GRID2IP: variants seen among roughly 807,000 people sequenced by gnomAD.
GRID2IP encodes delphilin.
Under a neutral mutation model 114.3 loss-of-function variants are expected in GRID2IP, and 78 were observed. The ratio of observed to expected loss-of-function variants is 0.68; its 90% CI spans 0.57 to 0.82. The LOEUF (loss-of-function observed/expected upper bound fraction) is 0.82. Among genes scored for constraint, GRID2IP ranks in the 40% least tolerant of loss-of-function variants. The pLI is 0.00. For missense variants in GRID2IP, 1,727 were observed against 1,678.5 expected (o/e 1.03, Z -0.51); for synonymous variants, 809 against 724.0 (o/e 1.12, Z -1.89).
chr7:6,498,469 T>C (rs1786321583), intron 20 of GRID2IP, among the ~76,000 whole-genome samples: 1 of 151,756 alleles, frequency 6.6e-6, no homozygotes, highest in Non-Finnish European at 1.5e-5. Context: ...CCCTGTTCTC[T>C]CTGCAGGGCC....
rs1452427197 is a variant in GRID2IP, at chr7:6,508,828, A to G, written c.2127+130T>C. 6 of 1,370,400 alleles carry G rather than the reference A, an allele frequency of 4.4e-6. No homozygotes were observed. In the East Asian group the frequency reaches 1.5e-4, roughly 35 times the overall value. 84.9% of individuals were successfully genotyped at this position (1,370,400 alleles called of 1,614,324 possible). A position where few individuals can be genotyped will look rare whatever the true frequency, so the allele number is the denominator to read the frequency against. Reference sequence around the variant, plus strand: ...GGCAAGGGGTGGGATAGCTTGAGCTAGGGAGTGGGATAGCCTGGGGAAGAT... The same window carrying G: ...GGCAAGGGGTGGGATAGCTTGAGCTGGGGAGTGGGATAGCCTGGGGAAGAT... On this transcript the variant is annotated intron_variant, in intron 12 of 21. Transcript: ENST00000457091. This position sits in a 1 kb window ranked among gnomAD's most constrained non-coding sequence, Gnocchi z 5.6.
intron 14 of GRID2IP, among the ~76,000 whole-genome samples, chr7:6,505,246 G>A (rs529180406): frequency 6.6e-6 from 1 of 152,178 alleles, no homozygotes; most frequent in East Asian, 1.9e-4. Flanking sequence ...TGACCTCTCT[G>A]TGCTTCCTCA....
Position 6,508,163 on chromosome 7 carries a change from G to A in GRID2IP, c.2366C>T (p.Thr789Ile). ...TGGAGGGACTGGGTGGCTGAGTTGG[G>A]TGAGGGGCTTGGCCAGCGCCTGAGC... ...GPAQALAKPL[T>I]QLSHPVPPPP... Residue 789 changes from threonine to isoleucine, a missense_variant, in exon 13 of 22, where the codon ACC becomes ATC. Coordinates refer to ENST00000457091, the MANE Select transcript of GRID2IP (RefSeq NM_001145118.2). The surrounding 1 kb of genome is among the most constrained non-coding windows in gnomAD (Gnocchi z 5.6). 1 of 1,510,724 alleles carries A rather than the reference G, an allele frequency of 6.6e-7. No homozygotes were observed. Among genetic ancestry groups the A allele is most frequent in the Non-Finnish European group, 8.9e-7 (1 of 1,129,588 alleles). The allele number at this position is 1,510,724 out of a possible 1,614,324, so 93.6% of individuals were successfully genotyped here.
rs1562513682 is a variant in GRID2IP at position 6,508,586 on chromosome 7, A to G, written c.2128-185T>C. Reference sequence around the variant, plus strand: ...TCTCACAGGTTAACCTCAGGCTGTGAGGGGGATAGCCTGGGCTAAGGATAG... The same window carrying G: ...TCTCACAGGTTAACCTCAGGCTGTGGGGGGGATAGCCTGGGCTAAGGATAG... On this transcript the variant is annotated intron_variant, in intron 12 of 21. Transcript: ENST00000457091. This position sits in a 1 kb window ranked among gnomAD's most constrained non-coding sequence, Gnocchi z 5.6. Among the ~76,000 whole-genome samples the G allele has an allele frequency of 1.3e-5, 2 of 151,534 alleles. No homozygotes were observed. The highest frequency in any genetic ancestry group is 4.8e-5 in the African/African-American group (2 of 41,254).
chr7:6,527,817 G>A (rs1779544538), intron 2 of GRID2IP, among the ~76,000 whole-genome samples: 1 of 148,716 alleles, frequency 6.7e-6, no homozygotes, highest in Non-Finnish European at 1.5e-5. Flanking sequence ...GGAGTACAAT[G>A]GTGAGATCTC....
intron 2 of GRID2IP, among the ~76,000 whole-genome samples, chr7:6,530,495 C>T (rs1387262338): frequency 6.6e-6 from 1 of 151,280 alleles, no homozygotes; most frequent in Non-Finnish European, 1.5e-5. Flanking sequence ...GAACTCCTGA[C>T]CTCAGAAGAT....
In GRID2IP at chr7:6,509,498, T is replaced by C. The variant is rs1162179096; in HGVS notation, c.1772-185A>G. On this transcript the variant is annotated intron_variant, in intron 11 of 21. Coordinates refer to ENST00000457091, the MANE Select transcript of GRID2IP (RefSeq NM_001145118.2). The surrounding 1 kb of genome is among the most constrained non-coding windows in gnomAD (Gnocchi z 4.9). ...TCCAAGCATGACTAAAGGCCAGATC[T>C]GGTGAGCAGGAGCACTGCTCGGCCT... Among the ~76,000 whole-genome samples, 1 of 152,168 alleles carries C rather than the reference T, an allele frequency of 6.6e-6. No homozygotes were observed. The highest frequency in any genetic ancestry group is 2.4e-5 in the African/African-American group (1 of 41,450).
intron 1 of GRID2IP, among the ~76,000 whole-genome samples, chr7:6,545,091 GAAAA>G (rs938167397): frequency 6.6e-6 from 1 of 151,020 alleles, no homozygotes; most frequent in African/African-American, 2.4e-5. Context: ...CATCTCAAAA[GAAAA>G]AAAAGAAAGA....
At chr7:6,512,480 A>G (rs143569388) in intron 8 of GRID2IP, among the ~76,000 whole-genome samples, 3,894 of 151,382 alleles carry the variant, frequency 0.026, 143 homozygotes, top group African/African-American at 0.079. Context: ...AGCTGGGACT[A>G]CAGGTGCATA....
Position 6,512,231 on chromosome 7 carries a change from C to CTTTTTTTTTTTTTTTTTTTTTTTTTTTTT in GRID2IP, c.1424-1193_1424-1192insAAAAAAAAAAAAAAAAAAAAAAAAAAAAA, listed in dbSNP as rs1002835555. On this transcript the variant is annotated intron_variant, in intron 8 of 21. Coordinates refer to ENST00000457091, the MANE Select transcript of GRID2IP (RefSeq NM_001145118.2). ...CACACCTGCCTTTTTTTCTTTTCTT[C>CTTTTTTTTTTTTTTTTTTTTTTTTTTTTT]TTTTTTTTTTTTTTTTTTGTGACAG... Among the ~76,000 whole-genome samples the CTTTTTTTTTTTTTTTTTTTTTTTTTTTTT allele has an allele frequency of 1.6e-3, 148 of 90,176 alleles. 8 individuals carry two copies. Among genetic ancestry groups the CTTTTTTTTTTTTTTTTTTTTTTTTTTTTT allele is most frequent in the Non-Finnish European group, 2.7e-3 (126 of 47,352 alleles). 59.2% of individuals were successfully genotyped at this position (90,176 alleles called of 152,430 possible).
chr7:6,549,709 C>T (rs913787781), intron 1 of GRID2IP, among the ~76,000 whole-genome samples: 2 of 152,134 alleles, frequency 1.3e-5, no homozygotes, highest in Admixed American at 6.6e-5. Flanking sequence ...CAACCTCCGT[C>T]TCCCAAGCTC....
chr7:6,532,183 G>T lies in GRID2IP; in HGVS notation c.585-5414C>A, dbSNP rs764268540. 5.9e-5 allele frequency among the ~76,000 whole-genome samples: 9 copies of T among 152,130 alleles called. No individual in the cohort carries two copies. Among genetic ancestry groups the T allele is most frequent in the Admixed American group, 1.3e-4 (2 of 15,266 alleles). On this transcript the variant is annotated intron_variant, in intron 2 of 21. Coordinates refer to ENST00000457091, the MANE Select transcript of GRID2IP (RefSeq NM_001145118.2). This position sits in a 1 kb window ranked among gnomAD's most constrained non-coding sequence, Gnocchi z 4.4. ...TGTCATGTCTCAAGGAGTCCCGACT[G>T]CCTCTGGAGAGGCCCAGAATCAGGC...
intron 2 of GRID2IP, among the ~76,000 whole-genome samples, chr7:6,530,051 A>C (rs1419402828): frequency 2.1e-4 from 32 of 149,496 alleles, no homozygotes; most frequent in Non-Finnish European, 1.0e-4. Context: ...CTCCGCCTCC[A>C]GGATTCATGC....
In GRID2IP at chr7:6,504,826, C is replaced by G. The variant is rs1295225871; in HGVS notation, c.2677G>C (p.Glu893Gln). The G allele has an allele frequency of 1.3e-6, 2 of 1,551,292 alleles. No individual in the cohort carries two copies. Among genetic ancestry groups the G allele is most frequent in the East Asian group, 2.4e-5 (1 of 40,936 alleles). ...PEPFRKKEVVEILSHKKAYNT... is the reference protein window; with the variant it reads ...PEPFRKKEVVQILSHKKAYNT... Reference sequence around the variant, plus strand: ...TAGGCCTTCTTATGGGACAGGATCTCCACCACCTCCTTCTTCCGGAAGGGC... The same window carrying G: ...TAGGCCTTCTTATGGGACAGGATCTGCACCACCTCCTTCTTCCGGAAGGGC... Residue 893 changes from glutamate (E) to glutamine (Q), a missense_variant, in exon 15 of 22, where the codon GAG becomes CAG. Glu to Gln is a conservative substitution (Grantham distance 29, BLOSUM62 2). Coordinates refer to ENST00000457091, the MANE Select transcript of GRID2IP (RefSeq NM_001145118.2).
rs1779516948 is a variant in GRID2IP at position 6,526,626 on chromosome 7, A to T, written c.728T>A (p.Leu243Gln). ...CGGGGCGCTGGCGCGCGTGGACACC[A>T]GGAGGCGCTCCGGCCGCTCCTCGCT... ...SRSEERPERLLVSTRASAPPR... is the reference protein window; with the variant it reads ...SRSEERPERLQVSTRASAPPR... The change falls in exon 3 of 22, where the codon CTG (leucine) becomes CAG (glutamine). Residue 243 changes from leucine (L) to glutamine (Q), a missense_variant. Transcript: ENST00000457091. This position sits in a 1 kb window ranked among gnomAD's most constrained non-coding sequence, Gnocchi z 7.6. 7.6e-7 allele frequency: 1 copy of T among 1,322,014 alleles called. No homozygotes were observed. The highest frequency in any genetic ancestry group is 1.6e-5 in the African/African-American group (1 of 63,974). 81.9% of individuals were successfully genotyped at this position (1,322,014 alleles called of 1,614,324 possible).
Position 6,497,788 on chromosome 7 carries a change from G to A in GRID2IP, c.3622C>T (p.Pro1208Ser), listed in dbSNP as rs1392287448. The change falls in exon 22 of 22, where the codon CCC (proline) becomes TCC (serine). Residue 1208 changes from proline (P) to serine (S), a missense_variant. Coordinates refer to ENST00000457091, the MANE Select transcript of GRID2IP (RefSeq NM_001145118.2). ...TGTGGCCACTGTCACCAGGCCAGGG[G>A]TGAAACCATCCCGGAGCTGCGCAGG... ...EGLRSSGMVS[P>S]LAW is the part of the protein sequence containing the mutation. The A allele has an allele frequency of 1.9e-6, 3 of 1,549,968 alleles. No homozygotes were observed. The highest frequency in any genetic ancestry group is 4.9e-5 in the East Asian group (2 of 40,910).
rs1779978268 is a variant in GRID2IP, at chr7:6,551,332, C to G, written c.105G>C (p.Gly35=). Residue 35 remains glycine, a synonymous_variant, in exon 1 of 22, where the codon GGG becomes GGC. Transcript: ENST00000457091. The stretch of plus-strand genomic sequence containing the variant: ...GCAGTCCTCCGGCATGCGCGCTGCT[C>G]CCCTTGGCCACCTCCAGGACGAAGC... ...GPCFVLEVAK[G]SSAHAGGLRP... The G allele has an allele frequency of 3.2e-6, 5 of 1,547,892 alleles. No individual in the cohort carries two copies. In the South Asian group the frequency reaches 4.8e-5, roughly 15 times the overall value.
rs531684665 is a variant in GRID2IP at position 6,514,511 on chromosome 7, G to A, written c.1287C>T (p.Ile429=). ...TGTCCAGCACAGGGTAGACGTCAAC[G>A]ATGAGGGTGTCGATGTTCCTGGGGG... ...FFQHRNIDTL[I]VDVYPVLDTP... Residue 429 remains isoleucine, a synonymous_variant, in exon 8 of 22, where the codon ATC becomes ATT. Transcript: ENST00000457091. 53 of 1,531,916 alleles carry A rather than the reference G, an allele frequency of 3.5e-5. No individual in the cohort carries two copies. The highest frequency in any genetic ancestry group is 1.0e-4 in the Admixed American group (5 of 48,916). The allele number at this position is 1,531,916 out of a possible 1,614,324, so 94.9% of individuals were successfully genotyped here.
intron 1 of GRID2IP, among the ~76,000 whole-genome samples, chr7:6,540,988 C>A (rs1779808294): frequency 6.6e-6 from 1 of 152,054 alleles, no homozygotes; most frequent in Non-Finnish European, 1.5e-5. Context: ...AAGTATGTGC[C>A]TACATGCTTG....
Sources: gnomAD v4.1 joint callset for allele counts (sites outside exome capture counted in the v4.1 genomes callset) on GRCh38, gnomAD v4.1.1 for gene constraint, Gnocchi (gnomAD v3.1) non-coding constraint, MANE v1.5 for transcripts, NCBI Gene and HGNC (gene_info 2026-07-23, HGNC 2026-07-21) for gene names.